POC1A: variants seen among roughly 807,000 people sequenced by gnomAD.
POC1A encodes POC1 centriolar protein A.
POC1A carries 34 observed loss-of-function variants against 47.8 expected under a neutral mutation model. The observed-to-expected ratio is 0.71, with a 90% confidence interval of 0.54 to 0.95. The LOEUF is 0.95. Among genes scored for constraint, POC1A ranks in the 40% least tolerant of loss-of-function variants. The pLI is 0.00. For missense variants in POC1A, 466 were observed against 528.3 expected, an observed-to-expected ratio of 0.88 and a Z score of 1.16; for synonymous variants, 177 against 207.6, an observed-to-expected ratio of 0.85 and a Z score of 1.27.
At chr3:52,082,476 G>T (rs1207907538) in intron 10 of POC1A, among the ~76,000 whole-genome samples, 1 of 152,152 alleles carries the variant, frequency 6.6e-6, no homozygotes. Context: ...AGGTGGTAGG[G>T]CTTCCAGCCG....
At chr3:52,098,552 C>A (rs1420854591) in intron 9 of POC1A, among the ~76,000 whole-genome samples, 2 of 152,210 alleles carry the variant, frequency 1.3e-5, no homozygotes, top group Non-Finnish European at 2.9e-5. Flanking sequence ...GGAGAGGTGG[C>A]CTTTACAACA....
At chr3:52,140,135 A>G (rs1698141350) in intron 6 of POC1A, among the ~76,000 whole-genome samples, 1 of 152,240 alleles carries the variant, frequency 6.6e-6, no homozygotes, top group South Asian at 2.1e-4. Context: ...AACAAGGCCC[A>G]CAGGGTGCAC....
chr3:52,085,192 G>C (rs578033100), intron 10 of POC1A, among the ~76,000 whole-genome samples: 28 of 152,254 alleles, frequency 1.8e-4, no homozygotes, highest in African/African-American at 6.7e-4. Flanking sequence ...TCAGGGCTCT[G>C]CCCTCGCCAG....
intron 9 of POC1A, among the ~76,000 whole-genome samples, chr3:52,101,576 G>C (rs995546140): frequency 2.0e-5 from 3 of 152,170 alleles, no homozygotes; most frequent in African/African-American, 7.2e-5. Context: ...TTATAAGAAA[G>C]AGTCAAATGG....
intron 7 of POC1A, among the ~76,000 whole-genome samples, chr3:52,126,418 G>A (rs1268090158): frequency 1.3e-5 from 2 of 152,168 alleles, no homozygotes; most frequent in Admixed American, 1.3e-4. Flanking sequence ...GCCCACCCAT[G>A]CTTCCAGAGT....
At chr3:52,080,256 T>C (rs1485848893) in intron 10 of POC1A, among the ~76,000 whole-genome samples, 2 of 152,176 alleles carry the variant, frequency 1.3e-5, no homozygotes, top group South Asian at 4.1e-4. Context: ...CACTGGGTAG[T>C]GTGCATCTTG....
chr3:52,114,929 C>T (rs1224857832), intron 9 of POC1A, among the ~76,000 whole-genome samples: 2 of 152,200 alleles, frequency 1.3e-5, no homozygotes, highest in Non-Finnish European at 2.9e-5. Context: ...GTGGGCAATG[C>T]CAGCTATTCA....
chr3:52,143,996 C>T (rs1285059972), intron 6 of POC1A, among the ~76,000 whole-genome samples: 1 of 152,232 alleles, frequency 6.6e-6, no homozygotes, highest in East Asian at 1.9e-4. Flanking sequence ...CCTAGACATC[C>T]TCTCTGCCCA....
In POC1A at chr3:52,079,991, G is replaced by A. The variant is rs972078539; in HGVS notation, c.1126-4006C>T. On this transcript the variant is annotated intron_variant, in intron 10 of 10. Transcript: ENST00000296484. This position sits in a 1 kb window ranked among gnomAD's most constrained non-coding sequence, Gnocchi z 4.6. ...GGGACCAGCAGGAGGTCCTGGGACT[G>A]GGCTCAGGGCGGTTCACCCTGATCA... 2.0e-5 allele frequency among the ~76,000 whole-genome samples: 3 copies of A among 152,182 alleles called. No individual in the cohort carries two copies. Among genetic ancestry groups the A allele is most frequent in the Admixed American group, 1.3e-4 (2 of 15,288 alleles).
At chr3:52,136,082 G>C (rs1384316214) in intron 7 of POC1A, among the ~76,000 whole-genome samples, 1 of 152,054 alleles carries the variant, frequency 6.6e-6, no homozygotes, top group Admixed American at 6.5e-5. Context: ...GAATCAGTTT[G>C]CAGAACCCTG....
intron 10 of POC1A, among the ~76,000 whole-genome samples, chr3:52,081,225 C>T (rs1559806831): frequency 6.6e-6 from 1 of 152,218 alleles, no homozygotes; most frequent in Non-Finnish European, 1.5e-5. Flanking sequence ...ATGGACACGC[C>T]TGCTGGCTTC....
At chr3:52,093,399 T>C (rs1294034740) in intron 10 of POC1A, among the ~76,000 whole-genome samples, 1 of 152,164 alleles carries the variant, frequency 6.6e-6, no homozygotes, top group Admixed American at 6.5e-5. Context: ...GGGAAGGGTC[T>C]AGCTTCATGA....
intron 9 of POC1A, among the ~76,000 whole-genome samples, chr3:52,119,290 T>C (rs1703680776): frequency 2.0e-5 from 3 of 152,114 alleles, no homozygotes; most frequent in African/African-American, 7.2e-5. Flanking sequence ...CACTGCTAGG[T>C]CAGCTTCTTT....
At chr3:52,089,860 T>A (rs1473680371) in intron 10 of POC1A, among the ~76,000 whole-genome samples, 1 of 151,838 alleles carries the variant, frequency 6.6e-6, no homozygotes, top group African/African-American at 2.4e-5. Context: ...GTGAGGCAGC[T>A]TGGCCCACAT....
chr3:52,108,902 C>T (rs1559825120), intron 9 of POC1A, among the ~76,000 whole-genome samples: 2 of 152,214 alleles, frequency 1.3e-5, no homozygotes, highest in African/African-American at 2.4e-5. Flanking sequence ...TGCCCCCCAG[C>T]GGATGCCTGG....
intron 10 of POC1A, among the ~76,000 whole-genome samples, chr3:52,089,582 C>T (rs989528546): frequency 6.6e-6 from 1 of 152,102 alleles, no homozygotes; most frequent in Admixed American, 6.5e-5. Context: ...GAGAGGGGGC[C>T]CATTTTTGCA....
At chr3:52,112,688 C>G (rs1703426914) in intron 9 of POC1A, among the ~76,000 whole-genome samples, 1 of 152,062 alleles carries the variant, frequency 6.6e-6, no homozygotes, top group Admixed American at 6.6e-5. Flanking sequence ...AAAAAAGAAC[C>G]AAGGTCATAC....
At chr3:52,094,000 C>T (rs1001682498) in intron 10 of POC1A, among the ~76,000 whole-genome samples, 3 of 152,178 alleles carry the variant, frequency 2.0e-5, no homozygotes, top group African/African-American at 7.2e-5. Context: ...TGGCTCTCCC[C>T]TAGAAGGATG....
At chr3:52,129,266 G>A (rs777591519) in intron 7 of POC1A, among the ~76,000 whole-genome samples, 4 of 152,156 alleles carry the variant, frequency 2.6e-5, no homozygotes, top group Non-Finnish European at 4.4e-5. Flanking sequence ...GCGACAGAGC[G>A]AGACTCTGTC....
Sources: gnomAD v4.1 joint callset for allele counts (sites outside exome capture counted in the v4.1 genomes callset) on GRCh38, gnomAD v4.1.1 for gene constraint, Gnocchi (gnomAD v3.1) non-coding constraint, MANE v1.5 for transcripts, NCBI Gene and HGNC (gene_info 2026-07-23, HGNC 2026-07-21) for gene names.